GLUD1: variants seen among roughly 807,000 people sequenced by gnomAD.
The protein encoded by GLUD1 is glutamate dehydrogenase 1, mitochondrial.
A neutral mutation model predicts 56.0 loss-of-function variants in GLUD1; 22 were observed. The ratio of observed to expected loss-of-function variants is 0.39; its 90% CI spans 0.28 to 0.56. GLUD1 has a LOEUF of 0.56. Among genes scored for constraint, GLUD1 ranks in the 20% least tolerant of loss-of-function variants. GLUD1 has a pLI of 0.58. For synonymous variants in GLUD1, 223 were observed against 269.9 expected (o/e 0.83, Z 1.70); for missense variants, 451 against 732.0 (o/e 0.62, Z 4.43).
intron 1 of GLUD1, among the ~76,000 whole-genome samples, chr10:87,089,179 G>A (rs958470048): frequency 2.6e-5 from 4 of 152,178 alleles, no homozygotes; most frequent in African/African-American, 9.7e-5. Flanking sequence ...AGGAAGCATT[G>A]TGTCAATGGC....
At chr10:87,075,736 A>G (rs1411902800) in intron 3 of GLUD1, among the ~76,000 whole-genome samples, 1 of 152,212 alleles carries the variant, frequency 6.6e-6, no homozygotes, top group African/African-American at 2.4e-5. Context: ...AGCCTGGCCA[A>G]CATGGTGAAA....
At chr10:87,064,594 C>A (rs1007615150) in intron 5 of GLUD1, among the ~76,000 whole-genome samples, 7 of 152,110 alleles carry the variant, frequency 4.6e-5, no homozygotes, top group Admixed American at 2.6e-4. Flanking sequence ...GTGATCTGTT[C>A]TTTATCTGTA....
At position 87,053,352 on chromosome 10, in the gene GLUD1, C is replaced by T. The variant is rs769870145; in HGVS notation, c.1547G>A (p.Arg516His). The T allele has an allele frequency of 2.7e-5, 43 of 1,608,214 alleles. No individual in the cohort carries two copies. The highest frequency in any genetic ancestry group is 2.2e-5 in the South Asian group (2 of 90,952). ...VHSGLAYTMERSARQIMRTAM... is the reference protein window; with the variant it reads ...VHSGLAYTMEHSARQIMRTAM... The stretch of plus-strand genomic sequence containing the variant: ...CATCTGCACACATACCCTGGCAGAA[C>T]GCTCCATTGTGTATGCCAAGCCAGA... Residue 516 changes from arginine (R) to histidine (H), a missense_variant, in exon 12 of 13, where the codon CGT becomes CAT. Arg to His is a conservative substitution (Grantham distance 29). Transcript: ENST00000277865.
At chr10:87,093,793 C>T in intron 1 of GLUD1, 1 of 578,024 alleles carries the variant, frequency 1.7e-6, no homozygotes. Context: ...TAGTAAATTC[C>T]TTTGGTTAAT....
intron 10 of GLUD1, among the ~76,000 whole-genome samples, chr10:87,058,856 A>G (rs1159104743): frequency 6.6e-6 from 1 of 152,078 alleles, no homozygotes; most frequent in African/African-American, 2.4e-5. Context: ...GTGCCACTGC[A>G]CTCCAGCCTC....
At position 87,076,474 on chromosome 10, in the gene GLUD1, C is replaced by T. The variant is rs950089394; in HGVS notation, c.526+102G>A. On this transcript the variant is annotated intron_variant, in intron 2 of 12. Coordinates refer to ENST00000277865, the MANE Select transcript of GLUD1 (RefSeq NM_005271.5). ...TAAAGATTACAACTTGAAAAAAAAT[C>T]AGTTCTGATAAGGTATATTTCTACA... 105 of 789,778 alleles carry T rather than the reference C, an allele frequency of 1.3e-4. No individual in the cohort carries two copies. The African/African-American group carries it at 1.7e-3, about 13-fold the overall frequency. The allele number at this position is 789,778 out of a possible 1,614,324, so 48.9% of individuals were successfully genotyped here.
At chr10:87,085,058 C>A (rs916085417) in intron 1 of GLUD1, among the ~76,000 whole-genome samples, 2 of 152,116 alleles carry the variant, frequency 1.3e-5, no homozygotes, top group African/African-American at 4.8e-5. Context: ...AAAGTACACA[C>A]TTTAGGCTGG....
chr10:87,084,664 T>C (rs1841340425), intron 1 of GLUD1, among the ~76,000 whole-genome samples: 1 of 152,210 alleles, frequency 6.6e-6, no homozygotes, highest in Admixed American at 6.5e-5. Context: ...CTGGTTCTCT[T>C]AATAGGGTTT....
Position 87,094,081 on chromosome 10 carries a change from C to T in GLUD1, c.445+244G>A. ...GCGTCTACTCTGCATGCAAGATCAG[C>T]ATATACAGAGGCCCGGGGTGACGGC... On this transcript the variant is annotated intron_variant, in intron 1 of 12. Transcript: ENST00000277865. This position sits in a 1 kb window ranked among gnomAD's most constrained non-coding sequence, Gnocchi z 6.6. The T allele has an allele frequency of 1.3e-6, 2 of 1,515,610 alleles. No individual in the cohort carries two copies. The highest frequency in any genetic ancestry group is 2.4e-5 in the South Asian group (2 of 82,984). 93.9% of individuals were successfully genotyped at this position (1,515,610 alleles called of 1,614,324 possible). A position where few individuals can be genotyped will look rare whatever the true frequency, so the allele number is the denominator to read the frequency against.
At chr10:87,057,872 AC>A in intron 10 of GLUD1, 90 bp from the exon 11 acceptor site, 1 of 747,230 alleles carries the variant, frequency 1.3e-6, no homozygotes, top group Non-Finnish European at 2.4e-6. Flanking sequence ...TATAACTGTA[AC>A]CCAAAAACTT....
intron 1 of GLUD1, among the ~76,000 whole-genome samples, chr10:87,087,513 T>C (rs1230915605): frequency 6.6e-6 from 1 of 152,198 alleles, no homozygotes; most frequent in Non-Finnish European, 1.5e-5. Context: ...ACCTTGAAGC[T>C]ACCCAGAAGC....
rs1269404300 is a variant in GLUD1 at position 87,060,435 on chromosome 10, TTTTG to T, written c.1198-198_1198-195del. 112 of 667,366 alleles carry T rather than the reference TTTTG, an allele frequency of 1.7e-4. No individual in the cohort carries two copies. In the East Asian group the frequency reaches 3.0e-3, roughly 18 times the overall value. The allele number at this position is 667,366 out of a possible 1,614,324, so 41.3% of individuals were successfully genotyped here. The stretch of plus-strand genomic sequence containing the variant: ...ACTTTTCTATTTATCTAGGTTTTTT[TTTTG>T]TTTGCTTGTTTTTTTTTTTTACAGG... On this transcript the variant is annotated intron_variant, in intron 8 of 12. Coordinates refer to ENST00000277865, the MANE Select transcript of GLUD1 (RefSeq NM_005271.5).
rs116956971 is a variant in GLUD1, at chr10:87,054,361, C to T, written c.1495-957G>A. The stretch of plus-strand genomic sequence containing the variant: ...GAAGTGGTTTAGGGACGCAGGCCTT[C>T]CAATGTTAGGAGAGTGAAGAGTTGA... On this transcript the variant is annotated intron_variant, in intron 11 of 12. Transcript: ENST00000277865. Among the ~76,000 whole-genome samples, 430 of 152,202 alleles carry T rather than the reference C, an allele frequency of 2.8e-3. 1 individual carries two copies. The highest frequency in any genetic ancestry group is 6.8e-3 in the Middle Eastern group (2 of 294).
At chr10:87,093,731 CAG>C (rs1465471106) in intron 1 of GLUD1, among the ~76,000 whole-genome samples, 6 of 152,172 alleles carry the variant, frequency 3.9e-5, no homozygotes, top group Non-Finnish European at 8.8e-5. Context: ...TGGTATAAAA[CAG>C]AACTTGTCAG....
At position 87,051,314 on chromosome 10, in the gene GLUD1, A is replaced by C. The variant is rs778942506; in HGVS notation, c.*437T>G. 4.1e-6 allele frequency: 1 copy of C among 242,046 alleles called. No individual in the cohort carries two copies. The highest frequency in any genetic ancestry group is 8.8e-6 in the Non-Finnish European group (1 of 113,360). 15.0% of individuals were successfully genotyped at this position (242,046 alleles called of 1,614,324 possible). On this transcript the variant is annotated 3_prime_UTR_variant, in exon 13 of 13. Transcript: ENST00000277865. ...AATACTAAGAACTCACTTGAGGACC[A>C]TGCCACCTTCTGAAAAGGCCACACA... is the stretch of plus-strand genomic sequence containing the variant.
In GLUD1 at chr10:87,062,697, C is replaced by G. The variant is rs1369724505; in HGVS notation, c.880G>C (p.Gly294Arg). The change falls in exon 6 of 13, where the codon GGA (glycine) becomes CGA (arginine). Residue 294 changes from glycine to arginine, a missense_variant. Physicochemically the swap from Gly to Arg is moderately radical, Grantham distance 125. This residue lies in a region of GLUD1 where 248 missense variants were observed against 460.0 expected (regional missense o/e 0.54). Coordinates refer to ENST00000277865, the MANE Select transcript of GLUD1 (RefSeq NM_005271.5). The part of the protein sequence containing the change: ...INEASYMSIL[G>R]MTPGFGDKTF... ...TTATCTCCAAACCCTGGTGTCATTC[C>G]TAAAATGCTCATGTAAGAAGCTTCA... 1.9e-6 allele frequency: 3 copies of G among 1,613,918 alleles called. No individual in the cohort carries two copies. The African/African-American group carries it at 4.0e-5, about 22-fold the overall frequency.
At chr10:87,055,073 CG>C (rs1845732210) in intron 11 of GLUD1, among the ~76,000 whole-genome samples, 1 of 152,124 alleles carries the variant, frequency 6.6e-6, no homozygotes, top group Admixed American at 6.5e-5. Context: ...GAATGAAACA[CG>C]GAAAAGCAGT....
At chr10:87,080,057 C>G (rs897578874) in intron 1 of GLUD1, among the ~76,000 whole-genome samples, 6 of 151,792 alleles carry the variant, frequency 4.0e-5, no homozygotes, top group African/African-American at 1.5e-4. Flanking sequence ...CCTGCCTCAG[C>G]CTGCCGAGTG....
Position 87,062,634 on chromosome 10 carries a change from CTTTT to C in GLUD1, c.921+18_921+21del. On this transcript the variant is annotated intron_variant, in intron 6 of 12. Coordinates refer to ENST00000277865, the MANE Select transcript of GLUD1 (RefSeq NM_005271.5). The stretch of plus-strand genomic sequence containing the variant: ...TAATGTCTATCAGTTATTAAGGAAA[CTTTT>C]TTTGTTTTTGTTTTTACCTGAACAA... 1.9e-6 allele frequency: 3 copies of C among 1,592,594 alleles called. No individual in the cohort carries two copies. Among genetic ancestry groups the C allele is most frequent in the Non-Finnish European group, 1.7e-6 (2 of 1,161,666 alleles).
Sources: gnomAD v4.1 joint callset for allele counts (sites outside exome capture counted in the v4.1 genomes callset) on GRCh38, gnomAD v4.1.1 for gene constraint, gnomAD v4.1.1 regional missense constraint, Gnocchi (gnomAD v3.1) non-coding constraint, MANE v1.5 for transcripts, NCBI Gene and HGNC (gene_info 2026-07-23, HGNC 2026-07-21) for gene names.